The following PDXDC1 variants were observed in gnomAD, a reference collection of about 807,000 sequenced individuals.
PDXDC1 encodes the protein pyridoxal dependent decarboxylase domain containing 1, also known as pyridoxal-dependent decarboxylase domain-containing protein 1.
PDXDC1 carries 42 observed loss-of-function variants against 100.1 expected under a neutral mutation model. That is an observed-to-expected ratio of 0.42 (90% confidence interval 0.33 to 0.54). The LOEUF (loss-of-function observed/expected upper bound fraction) is 0.54, where lower values mean the gene tolerates loss of function less well. Ranked by LOEUF, PDXDC1 falls within the 20% of genes least tolerant of loss-of-function variation. The pLI is 0.10. For synonymous variants in PDXDC1, 260 were observed against 371.7 expected, an observed-to-expected ratio of 0.70 and a Z score of 3.46; for missense variants, 636 against 979.2, an observed-to-expected ratio of 0.65 and a Z score of 4.68.
At chr16:15,065,193 C>T in intron 16 of PDXDC1, 1 of 1,570,172 alleles carries the variant, frequency 6.4e-7, no homozygotes, top group Middle Eastern at 1.7e-4. Flanking sequence ...CCACCTCCTC[C>T]AGCGTCAATG....
At chr16:15,101,460 G>C (rs1481962613) in intron 16 of PDXDC1, among the ~76,000 whole-genome samples, 1 of 152,136 alleles carries the variant, frequency 6.6e-6, no homozygotes, top group African/African-American at 2.4e-5. Flanking sequence ...GGAATTACAG[G>C]TGTGCACTAC....
Position 14,975,067 on chromosome 16 carries a change from A to C in PDXDC1, c.-133A>C. 6.6e-7 allele frequency: 1 copy of C among 1,510,412 alleles called. No individual in the cohort carries two copies. The highest frequency in any genetic ancestry group is 8.8e-7 in the Non-Finnish European group (1 of 1,137,530). The allele number at this position is 1,510,412 out of a possible 1,614,324, so 93.6% of individuals were successfully genotyped here. A position where few individuals can be genotyped will look rare whatever the true frequency, so the allele number is the denominator to read the frequency against. ...TCGGCAGCCCGCGGCGCCGCCTGGCAGCTCCTCCTCTTCTCCGCCCCGCCG... is the reference window on the plus strand; with the variant it reads ...TCGGCAGCCCGCGGCGCCGCCTGGCCGCTCCTCCTCTTCTCCGCCCCGCCG... On this transcript the variant is annotated 5_prime_UTR_variant, in exon 1 of 23. Coordinates refer to ENST00000396410, the MANE Select transcript of PDXDC1 (RefSeq NM_015027.4).
chr16:15,008,034 G>A (rs1020380607), intron 6 of PDXDC1, among the ~76,000 whole-genome samples: 2 of 152,288 alleles, frequency 1.3e-5, no homozygotes, highest in African/African-American at 4.8e-5. Flanking sequence ...GGCTTATAGG[G>A]TAGGGGGCTA....
intron 16 of PDXDC1, among the ~76,000 whole-genome samples, chr16:15,118,608 AT>A (rs1322441575): frequency 6.7e-6 from 1 of 149,284 alleles, no homozygotes; most frequent in Non-Finnish European, 1.5e-5. Flanking sequence ...CGATAGAACT[AT>A]AAAGCAGAAT....
chr16:15,036,329 T>G lies in PDXDC1; in HGVS notation c.*54T>G, dbSNP rs1163021416. 1 of 1,487,194 alleles carries G rather than the reference T, an allele frequency of 6.7e-7. No homozygotes were observed. Among genetic ancestry groups the G allele is most frequent in the East Asian group, 2.3e-5 (1 of 43,968 alleles). 92.1% of individuals were successfully genotyped at this position (1,487,194 alleles called of 1,614,324 possible). A position where few individuals can be genotyped will look rare whatever the true frequency, so the allele number is the denominator to read the frequency against. On this transcript the variant is annotated 3_prime_UTR_variant, in exon 23 of 23. Coordinates refer to ENST00000396410, the MANE Select transcript of PDXDC1 (RefSeq NM_015027.4). ...GAGTATTGTTTCAGGGAAGATGAAG[T>G]TCTATTGGAAATGTGAACTGTGCCA... is the stretch of plus-strand genomic sequence containing the variant.
At chr16:15,125,661 C>G in intron 16 of PDXDC1, 2 of 1,305,176 alleles carry the variant, frequency 1.5e-6, no homozygotes, top group South Asian at 1.2e-5. Flanking sequence ...GACCCCCAGC[C>G]CAGCCCAGGA....
chr16:15,017,063 C>G, intron 9 of PDXDC1, 57 bp from the exon 10 acceptor site: 1 of 1,571,790 alleles, frequency 6.4e-7, no homozygotes, highest in Non-Finnish European at 8.7e-7. Context: ...TTTTTAAGTA[C>G]ATGGTGAGTA....
chr16:15,086,179 G>T, intron 16 of PDXDC1: 1 of 1,601,854 alleles, frequency 6.2e-7, no homozygotes, highest in Non-Finnish European at 8.5e-7. Context: ...GAGGAAAACA[G>T]TCTGTGCTGA....
chr16:15,111,391 A>G (rs866366790), intron 16 of PDXDC1, among the ~76,000 whole-genome samples: 25 of 143,184 alleles, frequency 1.7e-4, no homozygotes, highest in Admixed American at 6.5e-4. Flanking sequence ...AGCAGGAAAA[A>G]GTTGTGTTGA....
At chr16:14,978,811 C>T (rs1967290462) in intron 1 of PDXDC1, among the ~76,000 whole-genome samples, 1 of 152,304 alleles carries the variant, frequency 6.6e-6, no homozygotes. Context: ...TTTGCATTTA[C>T]TTTAATTCTG....
downstream of PDXDC1, chr16:15,040,220 A>AGTCC: frequency 4.5e-6 from 2 of 447,988 alleles, no homozygotes; most frequent in South Asian, 5.2e-5. Flanking sequence ...TGGAGGGGGA[A>AGTCC]AATGCAACCT....
At chr16:15,096,231 C>T (rs2046352756) in intron 16 of PDXDC1, among the ~76,000 whole-genome samples, 1 of 152,008 alleles carries the variant, frequency 6.6e-6, no homozygotes, top group Admixed American at 6.6e-5. Flanking sequence ...GCCTCAGCCT[C>T]CCCAGTAGCT....
At chr16:15,030,646 C>G (rs1410905622) in intron 16 of PDXDC1, among the ~76,000 whole-genome samples, 1 of 148,268 alleles carries the variant, frequency 6.7e-6, no homozygotes, top group Non-Finnish European at 1.5e-5. Flanking sequence ...TGCAGTGGTG[C>G]GATCATGGCT....
chr16:15,144,085 C>T (rs1470678046), downstream of PDXDC1, among the ~76,000 whole-genome samples: 3 of 152,174 alleles, frequency 2.0e-5, no homozygotes, highest in Non-Finnish European at 4.4e-5. Flanking sequence ...CCTGCCAGGC[C>T]CCGTCCTCTC....
chr16:15,135,319 C>T (rs2048297287), intron 16 of PDXDC1: 1 of 1,534,010 alleles, frequency 6.5e-7, no homozygotes, highest in Non-Finnish European at 8.8e-7. Context: ...CGGCCTTCCA[C>T]ACGGTGAGGC....
chr16:15,046,854 G>A (rs1029982593), intron 16 of PDXDC1, among the ~76,000 whole-genome samples: 3 of 151,926 alleles, frequency 2.0e-5, no homozygotes, highest in African/African-American at 7.3e-5. Flanking sequence ...CAGACAGGGC[G>A]ACACAGCAAG....
chr16:15,094,107 C>T (rs746847333), intron 16 of PDXDC1: 2 of 1,541,988 alleles, frequency 1.3e-6, no homozygotes, highest in South Asian at 1.2e-5. Flanking sequence ...CCTGAGCTTT[C>T]GTCCCAGATA....
At chr16:15,001,936 A>G (rs1973252927) in intron 4 of PDXDC1, 80 bp downstream of exon 4, 1 of 1,183,210 alleles carries the variant, frequency 8.5e-7, no homozygotes, top group South Asian at 1.4e-5. Flanking sequence ...AAGTTGCTCA[A>G]ATAAGAAGCT....
At chr16:15,140,903 G>T (rs1415285694), downstream of PDXDC1, among the ~76,000 whole-genome samples, 1 of 151,584 alleles carries the variant, frequency 6.6e-6, no homozygotes, top group African/African-American at 2.4e-5. Flanking sequence ...TCCTGCCACG[G>T]GCCTCTACTT....
Sources: gnomAD v4.1 joint callset for allele counts (sites outside exome capture counted in the v4.1 genomes callset) on GRCh38, gnomAD v4.1.1 for gene constraint, MANE v1.5 for transcripts, NCBI Gene and HGNC (gene_info 2026-07-23, HGNC 2026-07-21) for gene names.